Variants in DCTN5 observed in about 807,000 individuals in gnomAD.
DCTN5 encodes dynactin 4.
Under a neutral mutation model 23.5 loss-of-function variants are expected in DCTN5, and 14 were observed. The ratio of observed to expected loss-of-function variants is 0.60; its 90% CI spans 0.39 to 0.93. The LOEUF (loss-of-function observed/expected upper bound fraction) is 0.93, where lower values mean the gene tolerates loss of function less well. Among genes scored for constraint, DCTN5 ranks in the 40% least tolerant of loss-of-function variants. DCTN5 has a pLI of 0.00. For synonymous variants in DCTN5, 67 were observed against 79.6 expected, an observed-to-expected ratio of 0.84 and a Z score of 0.84; for missense variants, 156 against 225.9, an observed-to-expected ratio of 0.69 and a Z score of 1.98.
intron 2 of DCTN5, among the ~76,000 whole-genome samples, chr16:23,656,974 A>G (rs1036640995): frequency 6.6e-6 from 1 of 150,428 alleles, no homozygotes; most frequent in Non-Finnish European, 1.5e-5. Flanking sequence ...TGAGTGACAG[A>G]GCAAGACTCC....
intron 1 of DCTN5, 97 bp downstream of exon 1, chr16:23,641,687 G>A (rs1338393815): frequency 1.5e-6 from 2 of 1,299,724 alleles, no homozygotes; most frequent in Non-Finnish European, 2.2e-6. Flanking sequence ...ACCAACCCCT[G>A]TCCCTTTGGC....
intron 2 of DCTN5, chr16:23,657,371 C>T (rs1389732266): frequency 6.4e-6 from 2 of 310,208 alleles, no homozygotes; most frequent in Non-Finnish European, 1.3e-5. Flanking sequence ...CGGGAGGATC[C>T]CTTGAGCCCA....
rs1377909126 is a variant in DCTN5, at chr16:23,665,564, T to C, written c.349-62T>C. 10 of 1,481,004 alleles carry C rather than the reference T, an allele frequency of 6.8e-6. No homozygotes were observed. The East Asian group carries it at 2.3e-4, about 34-fold the overall frequency. The allele number at this position is 1,481,004 out of a possible 1,614,324, so 91.7% of individuals were successfully genotyped here. ...TACATGGTATCATGAATGGGGAAAA[T>C]AGAAAGGAGCCTTTCACACAGTAGA... On this transcript the variant is annotated intron_variant, in intron 4 of 5. Coordinates refer to ENST00000300087, the MANE Select transcript of DCTN5 (RefSeq NM_032486.4).
intron 3 of DCTN5, among the ~76,000 whole-genome samples, chr16:23,659,801 A>G (rs568321119): frequency 6.6e-6 from 1 of 152,334 alleles, no homozygotes; most frequent in South Asian, 2.1e-4. Context: ...TTTGAAGGCT[A>G]CTAGGGGAAA....
Position 23,641,476 on chromosome 16 carries a change from G to A in DCTN5, c.-67G>A, listed in dbSNP as rs1967252975. 2 of 1,593,044 alleles carry A rather than the reference G, an allele frequency of 1.3e-6. No homozygotes were observed. Among genetic ancestry groups the A allele is most frequent in the East Asian group, 4.5e-5 (2 of 44,668 alleles). On this transcript the variant is annotated 5_prime_UTR_variant, in exon 1 of 6. Transcript: ENST00000300087. ...AGTGGAGGAGCGGCCGGAAGTAGCC[G>A]GAATCTCTGAAAGACTGACCGACTG...
At chr16:23,653,560 A>G (rs1333621540) in intron 2 of DCTN5, among the ~76,000 whole-genome samples, 1 of 152,240 alleles carries the variant, frequency 6.6e-6, no homozygotes, top group Non-Finnish European at 1.5e-5. Context: ...CTCAAGATGG[A>G]TTAAAGACTT....
chr16:23,643,061 C>T (rs749164288), intron 2 of DCTN5, 38 bp downstream of exon 2: 11 of 1,561,208 alleles, frequency 7.0e-6, no homozygotes, highest in Non-Finnish European at 7.1e-6. Context: ...CAAACCTTAG[C>T]TTGCGTTCTG....
intron 2 of DCTN5, chr16:23,657,451 G>T: frequency 2.3e-6 from 1 of 436,344 alleles, no homozygotes; most frequent in Non-Finnish European, 4.6e-6. Flanking sequence ...GTGAGACCCT[G>T]TGTCTTAAAG....
At chr16:23,662,849 G>A (rs997512674) in intron 4 of DCTN5, among the ~76,000 whole-genome samples, 2 of 152,218 alleles carry the variant, frequency 1.3e-5, no homozygotes, top group Non-Finnish European at 1.5e-5. Flanking sequence ...TCCTCAGAGC[G>A]AAATGTCTGA....
At chr16:23,660,047 T>C (rs1171362509) in intron 3 of DCTN5, among the ~76,000 whole-genome samples, 1 of 152,240 alleles carries the variant, frequency 6.6e-6, no homozygotes, top group African/African-American at 2.4e-5. Flanking sequence ...TGTGGATTTT[T>C]TTCTACCTGC....
At chr16:23,665,992 C>T (rs1967898795) in intron 5 of DCTN5, 9 of 463,854 alleles carry the variant, frequency 1.9e-5, no homozygotes, top group Non-Finnish European at 3.1e-5. Flanking sequence ...TGAGATTGCA[C>T]GGGTTAATGC....
chr16:23,657,785 A>G (rs934470321), intron 2 of DCTN5, among the ~76,000 whole-genome samples: 19 of 152,182 alleles, frequency 1.2e-4, no homozygotes, highest in African/African-American at 4.3e-4. Flanking sequence ...TTGACTCTAT[A>G]TCCTCTAGGA....
rs1041910019 is a variant in DCTN5, at chr16:23,667,503, G to A, written c.*359G>A. ...ACCTGCAGAGCAGCAGCACCCTTCC[G>A]GTGTGGAGGCTATGTAGCTGGTGCG... is the stretch of plus-strand genomic sequence containing the variant. On this transcript the variant is annotated 3_prime_UTR_variant, in exon 6 of 6. Coordinates refer to ENST00000300087, the MANE Select transcript of DCTN5 (RefSeq NM_032486.4). The A allele has an allele frequency of 8.7e-6, 2 of 230,064 alleles. No homozygotes were observed. Among genetic ancestry groups the A allele is most frequent in the East Asian group, 9.6e-5 (1 of 10,424 alleles). 14.3% of individuals were successfully genotyped at this position (230,064 alleles called of 1,614,324 possible).
At chr16:23,660,228 G>A (rs1274443843) in intron 3 of DCTN5, among the ~76,000 whole-genome samples, 3 of 152,196 alleles carry the variant, frequency 2.0e-5, no homozygotes, top group South Asian at 2.1e-4. Context: ...TTATAGGTTC[G>A]TAGAGGACAG....
chr16:23,675,061 G>A lies in DCTN5; in HGVS notation c.*7917G>A, dbSNP rs1968067049. The A allele has an allele frequency of 6.6e-6, 1 of 152,140 alleles. No individual in the cohort carries two copies. The highest frequency in any genetic ancestry group is 1.5e-5 in the Non-Finnish European group (1 of 68,036). 9.4% of individuals were successfully genotyped at this position (152,140 alleles called of 1,614,324 possible). On this transcript the variant is annotated 3_prime_UTR_variant, in exon 6 of 6. Transcript: ENST00000300087. ...ATCTTCAAATATACTCACATTTTGA[G>A]GTACAGGTAGATGGTTAGGGCTTCA...
intron 1 of DCTN5, 73 bp from the exon 2 acceptor site, chr16:23,642,881 CT>C: frequency 7.5e-7 from 1 of 1,339,588 alleles, no homozygotes; most frequent in Non-Finnish European, 1.1e-6. Context: ...CAAATGGGAG[CT>C]TTCTTGATGG....
At chr16:23,654,668 T>C (rs754891197) in intron 2 of DCTN5, among the ~76,000 whole-genome samples, 10 of 152,244 alleles carry the variant, frequency 6.6e-5, no homozygotes, top group East Asian at 1.9e-4. Flanking sequence ...TACTGTAAAC[T>C]GTAGTCACCC....
intron 5 of DCTN5, chr16:23,666,600 A>G (rs1344946177): frequency 5.2e-6 from 1 of 191,958 alleles, no homozygotes; most frequent in Non-Finnish European, 1.1e-5. Context: ...TGTAGCATAT[A>G]CAGAGGCACG....
rs1015304376 is a variant in DCTN5 at position 23,662,389 on chromosome 16, C to A, written c.348+1108C>A. 2.0e-5 allele frequency among the ~76,000 whole-genome samples: 3 copies of A among 152,146 alleles called. No homozygotes were observed. In the East Asian group the frequency reaches 5.8e-4, roughly 29 times the overall value. On this transcript the variant is annotated intron_variant, in intron 4 of 5. Transcript: ENST00000300087. ...GGAGCCTAGGAATAGGTTGATTTAA[C>A]CCAACCAAGGCTTAACAAGGTTGGA...
Sources: allele counts gnomAD v4.1 joint callset (sites outside exome capture counted in the v4.1 genomes callset), GRCh38; gene constraint gnomAD v4.1.1; transcripts MANE v1.5; gene names NCBI Gene and HGNC (gene_info 2026-07-23, HGNC 2026-07-21).